Variants in APBB1IP observed in about 807,000 individuals in gnomAD.
The protein encoded by APBB1IP is amyloid beta A4 precursor protein-binding family B member 1-interacting protein.
APBB1IP carries 27 observed loss-of-function variants against 64.9 expected under a neutral mutation model. The ratio of observed to expected loss-of-function variants is 0.42; its 90% CI spans 0.31 to 0.57. The LOEUF (loss-of-function observed/expected upper bound fraction) is 0.57. Among genes scored for constraint, APBB1IP ranks in the 20% least tolerant of loss-of-function variants. APBB1IP has a pLI of 0.20. For missense variants in APBB1IP, 812 were observed against 845.5 expected (o/e 0.96, Z 0.49); for synonymous variants, 392 against 331.0 (o/e 1.18, Z -2.00).
At chr10:26,477,756 A>G (rs1383272475) in intron 2 of APBB1IP, among the ~76,000 whole-genome samples, 1 of 152,106 alleles carries the variant, frequency 6.6e-6, no homozygotes, top group East Asian at 1.9e-4. Flanking sequence ...TTTTGAGTCA[A>G]GGTCTCACTC....
intron 2 of APBB1IP, among the ~76,000 whole-genome samples, chr10:26,484,909 A>G (rs1183028686): frequency 6.6e-6 from 1 of 152,188 alleles, no homozygotes; most frequent in African/African-American, 2.4e-5. Flanking sequence ...AAGTGTTTTT[A>G]TTTACTAAAT....
intron 4 of APBB1IP, 143 bp downstream of exon 4, chr10:26,496,534 T>C: frequency 1.5e-6 from 1 of 670,604 alleles, no homozygotes; most frequent in Non-Finnish European, 2.5e-6. Context: ...TCAGACTGGG[T>C]TTTACTGTGT....
intron 2 of APBB1IP, among the ~76,000 whole-genome samples, chr10:26,449,087 A>G (rs1835433039): frequency 6.6e-6 from 1 of 152,190 alleles, no homozygotes; most frequent in South Asian, 2.1e-4. Flanking sequence ...AAAAGACTCA[A>G]GGAGATTCCA....
chr10:26,510,073 G>A (rs1426641412), intron 6 of APBB1IP, among the ~76,000 whole-genome samples: 1 of 152,098 alleles, frequency 6.6e-6, no homozygotes, highest in Admixed American at 6.6e-5. Context: ...AGTTTCAAGC[G>A]ATTCTCCTGC....
At chr10:26,465,053 T>C (rs921364668) in intron 2 of APBB1IP, among the ~76,000 whole-genome samples, 1 of 152,232 alleles carries the variant, frequency 6.6e-6, no homozygotes, top group Non-Finnish European at 1.5e-5. Context: ...ATTTTAGACA[T>C]GTGCTTTCTC....
At chr10:26,492,245 G>T in intron 2 of APBB1IP, 82 bp from the exon 3 acceptor site, 1 of 1,292,240 alleles carries the variant, frequency 7.7e-7, no homozygotes, top group South Asian at 1.2e-5. Flanking sequence ...TGGGGCTCTT[G>T]GGGGAAAGAG....
chr10:26,545,399 T>C (rs1002326180), intron 11 of APBB1IP, among the ~76,000 whole-genome samples: 2 of 151,788 alleles, frequency 1.3e-5, no homozygotes, highest in Non-Finnish European at 2.9e-5. Flanking sequence ...CCAAGGCGGA[T>C]GGATCACCTG....
At position 26,567,149 on chromosome 10, in the gene APBB1IP, G is replaced by A. The variant is rs1837057981; in HGVS notation, c.1662G>A (p.Leu554=). 4 of 1,413,640 alleles carry A rather than the reference G, an allele frequency of 2.8e-6. No individual in the cohort carries two copies. In the African/African-American group the frequency reaches 6.1e-5, roughly 22 times the overall value. 87.6% of individuals were successfully genotyped at this position (1,413,640 alleles called of 1,614,324 possible). ...TGCCCGCCCCACCCGACGACTTCCT[G>A]CCGCCGCCGCCACCGCCGCCGCCCC... ...GGLPAPPDDF[L]PPPPPPPPLD... Residue 554 remains leucine (L), a synonymous_variant, in exon 15 of 15, where the codon CTG becomes CTA. Transcript: ENST00000376236.
chr10:26,465,438 A>G (rs1341091281), intron 2 of APBB1IP, among the ~76,000 whole-genome samples: 2 of 152,202 alleles, frequency 1.3e-5, no homozygotes, highest in African/African-American at 4.8e-5. Flanking sequence ...GCAAAAGAAA[A>G]TAAATTAGTA....
intron 2 of APBB1IP, among the ~76,000 whole-genome samples, chr10:26,481,826 CGTGTGTGTGTGTGTGTGTGT>C (rs71521683): frequency 7.0e-6 from 1 of 143,246 alleles, no homozygotes; most frequent in Admixed American, 7.1e-5. Flanking sequence ...CATCTCATTA[CGTGTGTGTGTGTGTGTGTGT>C]GTGTGTGTGT....
intron 8 of APBB1IP, among the ~76,000 whole-genome samples, chr10:26,526,502 C>T (rs940167166): frequency 4.2e-5 from 6 of 141,752 alleles, no homozygotes; most frequent in Middle Eastern, 3.6e-3. Flanking sequence ...AGGCAGATCA[C>T]GAAGTCAGGA....
At chr10:26,452,641 T>G (rs1835477631) in intron 2 of APBB1IP, among the ~76,000 whole-genome samples, 1 of 152,256 alleles carries the variant, frequency 6.6e-6, no homozygotes, top group African/African-American at 2.4e-5. Context: ...TGACCTGTAG[T>G]AGTTGCTCCA....
intron 8 of APBB1IP, among the ~76,000 whole-genome samples, chr10:26,522,601 T>C (rs1418922288): frequency 6.6e-6 from 1 of 152,230 alleles, no homozygotes; most frequent in African/African-American, 2.4e-5. Context: ...GTTTACAAAT[T>C]GATGGGTGAG....
intron 2 of APBB1IP, among the ~76,000 whole-genome samples, chr10:26,455,152 GA>G (rs11327641): frequency 0.4 from 60,693 of 152,044 alleles, 12,256 homozygotes; most frequent in South Asian, 0.5. Flanking sequence ...GGGATGCCAG[GA>G]AAAACAGTAT....
At chr10:26,514,167 A>T (rs2132447751) in intron 8 of APBB1IP, among the ~76,000 whole-genome samples, 1 of 152,362 alleles carries the variant, frequency 6.6e-6, no homozygotes, top group South Asian at 2.1e-4. Context: ...CCTTTGAAGG[A>T]TTCAGAAAGA....
chr10:26,535,268 A>T (rs1021986553), intron 9 of APBB1IP, among the ~76,000 whole-genome samples: 2 of 152,134 alleles, frequency 1.3e-5, no homozygotes, highest in African/African-American at 4.8e-5. Context: ...TTGAAAAGAA[A>T]ACTATCCCAA....
At chr10:26,544,572 A>G (rs787043) in intron 11 of APBB1IP, among the ~76,000 whole-genome samples, 20,338 of 152,202 alleles carry the variant, frequency 0.13, 1,470 homozygotes, top group East Asian at 0.32. Flanking sequence ...AGACAGGATG[A>G]AAGTCTAGCA....
intron 2 of APBB1IP, among the ~76,000 whole-genome samples, chr10:26,447,530 AT>A: frequency 6.6e-6 from 1 of 152,308 alleles, no homozygotes; most frequent in South Asian, 2.1e-4. Flanking sequence ...GTAACATAGA[AT>A]GAGTAATATT....
chr10:26,524,805 G>T (rs772442851), intron 8 of APBB1IP, among the ~76,000 whole-genome samples: 11 of 152,088 alleles, frequency 7.2e-5, no homozygotes, highest in Non-Finnish European at 1.5e-4. Flanking sequence ...AGGTTGGAAA[G>T]TAAGCTACAC....
Sources: allele counts gnomAD v4.1 joint callset (sites outside exome capture counted in the v4.1 genomes callset), GRCh38; gene constraint gnomAD v4.1.1; transcripts MANE v1.5; gene names NCBI Gene and HGNC (gene_info 2026-07-23, HGNC 2026-07-21).